The following CCL8 variants were observed in gnomAD, a reference collection of about 807,000 sequenced individuals.
CCL8 encodes C-C motif chemokine ligand 8.
Under a neutral mutation model 6.6 loss-of-function variants are expected in CCL8, and 3 were observed. The ratio of observed to expected loss-of-function variants is 0.45; its 90% CI spans 0.21 to 1.17. The LOEUF is 1.17. CCL8 is among the 50% of genes most tolerant of loss of function. CCL8 has a pLI of 0.24. For missense variants in CCL8, 127 were observed against 118.1 expected, an observed-to-expected ratio of 1.08 and a Z score of -0.35; for synonymous variants, 49 against 41.8, an observed-to-expected ratio of 1.17 and a Z score of -0.67.
rs139040907 is a variant in CCL8 at position 34,320,286 on chromosome 17, A to G, written c.94A>G (p.Ile32Val). The G allele has an allele frequency of 1.4e-5, 23 of 1,612,902 alleles. No homozygotes were observed. The African/African-American group carries it at 2.7e-4, about 19-fold the overall frequency. The change falls in exon 2 of 3, where the codon ATC (isoleucine) becomes GTC (valine). Residue 32 changes from isoleucine (I) to valine (V), a missense_variant. Coordinates refer to ENST00000394620, the MANE Select transcript of CCL8 (RefSeq NM_005623.3). ...TCTTTCAGATTCAGTTTCCATTCCA[A>G]TCACCTGCTGCTTTAACGTGATCAA... ...LAQPDSVSIP[I>V]TCCFNVINRK...
intron 2 of CCL8, 63 bp downstream of exon 2, chr17:34,320,449 G>T: frequency 9.5e-7 from 1 of 1,055,038 alleles, no homozygotes; most frequent in Non-Finnish European, 1.5e-6. Flanking sequence ...GAGAAGTCAA[G>T]ATTCATGTCC....
chr17:34,319,585 C>A lies in CCL8; in HGVS notation c.76+8C>A. 6.2e-7 allele frequency: 1 copy of A among 1,608,586 alleles called. No homozygotes were observed. The highest frequency in any genetic ancestry group is 8.5e-7 in the Non-Finnish European group (1 of 1,175,566). On this transcript the variant is annotated splice_region_variant and intron_variant, in intron 1 of 2. Transcript: ENST00000394620. ...AGGGACTTGCTCAGCCAGGTAAGACCTCTCCCTTTTTAAGGGGAGACCAAA... is the reference window on the plus strand; with the variant it reads ...AGGGACTTGCTCAGCCAGGTAAGACATCTCCCTTTTTAAGGGGAGACCAAA...
rs1265708795 is a variant in CCL8 at position 34,320,917 on chromosome 17, C to T, written c.*10C>T. ...AAATCTGAAGCCATGAGCCTTCATA[C>T]ATGGACTGAGAGTCAGAGCTTGAAG... On this transcript the variant is annotated 3_prime_UTR_variant, in exon 3 of 3. Coordinates refer to ENST00000394620, the MANE Select transcript of CCL8 (RefSeq NM_005623.3). The T allele has an allele frequency of 6.4e-7, 1 of 1,556,048 alleles. No homozygotes were observed. The highest frequency in any genetic ancestry group is 8.8e-7 in the Non-Finnish European group (1 of 1,134,006).
intron 1 of CCL8, among the ~76,000 whole-genome samples, chr17:34,319,836 G>A (rs935944780): frequency 1.1e-4 from 17 of 152,158 alleles, no homozygotes; most frequent in Admixed American, 1.1e-3. Flanking sequence ...GTAGTGGAGA[G>A]GGAGAAACTA....
In CCL8 at chr17:34,319,472, A is replaced by T; in HGVS notation, c.-30A>T. ...AACAACCCAGAAACCTTCACCTCTC[A>T]TGCTGAAGCTCACACCCTTGCCCTC... is the stretch of plus-strand genomic sequence containing the variant. On this transcript the variant is annotated 5_prime_UTR_variant, in exon 1 of 3. It removes an upstream start codon present in the reference 5' UTR. Transcript: ENST00000394620. 1 of 1,606,218 alleles carries T rather than the reference A, an allele frequency of 6.2e-7. No individual in the cohort carries two copies. Among genetic ancestry groups the T allele is most frequent in the Non-Finnish European group, 8.5e-7 (1 of 1,173,266 alleles).
In CCL8 at chr17:34,321,051, A is replaced by C; in HGVS notation, c.*144A>C. Reference sequence around the variant, plus strand: ...AATAATTTAAAGCATAATATTTCTTAAAAAGTATTTAATTATATTTAAGTT... The same window carrying C: ...AATAATTTAAAGCATAATATTTCTTCAAAAGTATTTAATTATATTTAAGTT... On this transcript the variant is annotated 3_prime_UTR_variant, in exon 3 of 3. Transcript: ENST00000394620. 1.8e-6 allele frequency: 1 copy of C among 567,572 alleles called. No homozygotes were observed. Among genetic ancestry groups the C allele is most frequent in the Non-Finnish European group, 3.1e-6 (1 of 327,490 alleles). 35.2% of individuals were successfully genotyped at this position (567,572 alleles called of 1,614,324 possible).
chr17:34,319,829 G>T (rs1380386461), intron 1 of CCL8, among the ~76,000 whole-genome samples: 2 of 152,190 alleles, frequency 1.3e-5, no homozygotes, highest in Non-Finnish European at 2.9e-5. Flanking sequence ...TCAGGCCGTA[G>T]TGGAGAGGGA....
At chr17:34,320,463 T>C in intron 2 of CCL8, 77 bp downstream of exon 2, 1 of 920,066 alleles carries the variant, frequency 1.1e-6, no homozygotes, top group Non-Finnish European at 1.8e-6. Context: ...CATGTCCATA[T>C]GAGTCGGATG....
chr17:34,320,192 T>G, intron 1 of CCL8, 77 bp from the exon 2 acceptor site: 1 of 885,336 alleles, frequency 1.1e-6, no homozygotes, highest in Non-Finnish European at 1.9e-6. Flanking sequence ...GTCTTCTCCT[T>G]CCTTCTCTTC....
chr17:34,319,607 C>A (rs1254849452), intron 1 of CCL8, 30 bp downstream of exon 1: 8 of 1,519,048 alleles, frequency 5.3e-6, no homozygotes, highest in Non-Finnish European at 7.3e-6. Flanking sequence ...AAGGGGAGAC[C>A]AAAAGAGGAA....
At chr17:34,320,061 T>C (rs2141928907) in intron 1 of CCL8, among the ~76,000 whole-genome samples, 1 of 152,284 alleles carries the variant, frequency 6.6e-6, no homozygotes, top group Non-Finnish European at 1.5e-5. Flanking sequence ...TTACTCAAAA[T>C]GTTTCCAAAC....
rs200100731 is a variant in CCL8, at chr17:34,319,500, A to G, written c.-2A>G. On this transcript the variant is annotated 5_prime_UTR_variant, in exon 1 of 3. Transcript: ENST00000394620. ...CTGAAGCTCACACCCTTGCCCTCCA[A>G]GATGAAGGTTTCTGCAGCGCTTCTG... 19 of 1,613,778 alleles carry G rather than the reference A, an allele frequency of 1.2e-5. No homozygotes were observed. The South Asian group carries it at 2.0e-4, about 17-fold the overall frequency.
Position 34,321,131 on chromosome 17 carries a change from C to T in CCL8, c.*224C>T. On this transcript the variant is annotated 3_prime_UTR_variant, in exon 3 of 3. Coordinates refer to ENST00000394620, the MANE Select transcript of CCL8 (RefSeq NM_005623.3). ...TCCTAGTGAATGTAAAATGCAAAATCCTGGTGATGTGTTTTTTGTTTTTGT... is the reference window on the plus strand; with the variant it reads ...TCCTAGTGAATGTAAAATGCAAAATTCTGGTGATGTGTTTTTTGTTTTTGT... 2.3e-6 allele frequency: 1 copy of T among 436,748 alleles called. No individual in the cohort carries two copies. Among genetic ancestry groups the T allele is most frequent in the South Asian group, 3.6e-5 (1 of 27,470 alleles). 27.1% of individuals were successfully genotyped at this position (436,748 alleles called of 1,614,324 possible).
intron 2 of CCL8, 118 bp from the exon 3 acceptor site, chr17:34,320,684 C>A: frequency 1.5e-6 from 1 of 646,728 alleles, no homozygotes. Context: ...CCTCCTCTCC[C>A]GGGTCCGGGT....
At chr17:34,320,475 A>C (rs1223154398) in intron 2 of CCL8, 89 bp downstream of exon 2, 1 of 855,190 alleles carries the variant, frequency 1.2e-6, no homozygotes, top group Non-Finnish European at 2.0e-6. Context: ...AGTCGGATGC[A>C]TATAACTTCT....
In CCL8 at chr17:34,321,014, A is replaced by G. The variant is rs1909508014; in HGVS notation, c.*107A>G. The G allele has an allele frequency of 1.6e-6, 1 of 634,192 alleles. No individual in the cohort carries two copies. The highest frequency in any genetic ancestry group is 2.7e-6 in the Non-Finnish European group (1 of 364,708). 39.3% of individuals were successfully genotyped at this position (634,192 alleles called of 1,614,324 possible). On this transcript the variant is annotated 3_prime_UTR_variant, in exon 3 of 3. Coordinates refer to ENST00000394620, the MANE Select transcript of CCL8 (RefSeq NM_005623.3). ...TTATTTTATTATAACATCCACAAAG[A>G]GATTATTTTTAAATAATTTAAAGCA...
chr17:34,320,827 G>T lies in CCL8; in HGVS notation c.220G>T (p.Val74Phe), dbSNP rs372656531. The change falls in exon 3 of 3, where the codon GTC becomes TTC. Residue 74 changes from valine (V) to phenylalanine (F), a missense_variant. Physicochemically the swap from Val to Phe is conservative, Grantham distance 50 (BLOSUM62 -1). Transcript: ENST00000394620. ...CTTCAAGACCAAACGGGGCAAGGAG[G>T]TCTGTGCTGACCCCAAGGAGAGATG... ...VIFKTKRGKEVCADPKERWVR... is the reference protein window; with the variant it reads ...VIFKTKRGKEFCADPKERWVR... 13 of 1,608,220 alleles carry T rather than the reference G, an allele frequency of 8.1e-6. No individual in the cohort carries two copies. In the African/African-American group the frequency reaches 1.7e-4, roughly 22 times the overall value.
In CCL8 at chr17:34,321,005, T is replaced by C. The variant is rs202218247; in HGVS notation, c.*98T>C. The C allele has an allele frequency of 6.1e-6, 4 of 652,244 alleles. No individual in the cohort carries two copies. Among genetic ancestry groups the C allele is most frequent in the Non-Finnish European group, 1.1e-5 (4 of 375,388 alleles). 40.4% of individuals were successfully genotyped at this position (652,244 alleles called of 1,614,324 possible). A position where few individuals can be genotyped will look rare whatever the true frequency, so the allele number is the denominator to read the frequency against. On this transcript the variant is annotated 3_prime_UTR_variant, in exon 3 of 3. Coordinates refer to ENST00000394620, the MANE Select transcript of CCL8 (RefSeq NM_005623.3). ...AGTGTGACATTATTTTATTATAACA[T>C]CCACAAAGAGATTATTTTTAAATAA...
Position 34,320,367 on chromosome 17 carries a change from T to C in CCL8, c.175T>C (p.Cys59Arg), listed in dbSNP as rs143847741. Reference sequence around the variant, plus strand: ...CTACACAAGAATCACCAACATCCAATGTCCCAAGGAAGCTGTGATGTGAGT... The same window carrying C: ...CTACACAAGAATCACCAACATCCAACGTCCCAAGGAAGCTGTGATGTGAGT... ...ESYTRITNIQ[C>R]PKEAVIFKTK... Residue 59 changes from cysteine (C) to arginine (R), a missense_variant, in exon 2 of 3, where the codon TGT (cysteine) becomes CGT (arginine). Transcript: ENST00000394620. 1.1e-4 allele frequency: 178 copies of C among 1,611,308 alleles called. No homozygotes were observed. The African/African-American group carries it at 2.2e-3, about 20-fold the overall frequency.
Sources: allele counts gnomAD v4.1 joint callset (sites outside exome capture counted in the v4.1 genomes callset), GRCh38; gene constraint gnomAD v4.1.1; transcripts MANE v1.5; gene names NCBI Gene and HGNC (gene_info 2026-07-23, HGNC 2026-07-21).